RFX7: variants seen among roughly 807,000 people sequenced by gnomAD.
RFX7 encodes the protein DNA-binding protein RFX7.
In RFX7, 26 loss-of-function variants were observed where a neutral mutation model predicts 111.8. That is an observed-to-expected ratio of 0.23 (90% CI 0.17 to 0.32). RFX7 has a LOEUF of 0.32. RFX7 is among the 10% of genes least tolerant of loss of function. The pLI is 1.00. For synonymous variants in RFX7, 624 were observed against 624.4 expected, an observed-to-expected ratio of 1.00 and a Z score of 0.01; for missense variants, 1,573 against 1,772.9, an observed-to-expected ratio of 0.89 and a Z score of 2.02.
rs555683502 is a variant in RFX7 at position 56,105,654 on chromosome 15, A to C, written c.402-1984T>G. Among the ~76,000 whole-genome samples, 78 of 152,184 alleles carry C rather than the reference A, an allele frequency of 5.1e-4. 1 individual carries two copies. The highest frequency in any genetic ancestry group is 1.8e-3 in the African/African-American group (76 of 41,502). On this transcript the variant is annotated intron_variant, in intron 5 of 9. Transcript: ENST00000559447. ...ATTTTGATTTTTTTTTTCATTAGTA[A>C]ACCAAAATTTTTTACTTTGGCAGAA... is the stretch of plus-strand genomic sequence containing the variant.
chr15:56,143,291 T>C (rs2042425874), intron 4 of RFX7, among the ~76,000 whole-genome samples: 1 of 151,860 alleles, frequency 6.6e-6, no homozygotes, highest in Non-Finnish European at 1.5e-5. Context: ...CATTCTCATA[T>C]AATATATATA....
chr15:56,150,539 C>T (rs796872568), intron 3 of RFX7, among the ~76,000 whole-genome samples: 24 of 152,146 alleles, frequency 1.6e-4, no homozygotes, highest in African/African-American at 5.1e-4. Context: ...TTAACACATC[C>T]ACTCAAAGAC....
chr15:56,110,060 C>A (rs759119146), intron 5 of RFX7, among the ~76,000 whole-genome samples: 4,255 of 118,782 alleles, frequency 0.036, 225 homozygotes, highest in Non-Finnish European at 0.051. Flanking sequence ...AGCCCCTCTG[C>A]CCAGCCAGCC....
intron 2 of RFX7, among the ~76,000 whole-genome samples, chr15:56,230,301 A>G (rs1035697384): frequency 3.3e-5 from 5 of 152,366 alleles, no homozygotes; most frequent in African/African-American, 1.2e-4. Context: ...GAAGGACACA[A>G]TGGCTTTCAT....
chr15:56,228,892 T>C (rs1479305079), intron 2 of RFX7, among the ~76,000 whole-genome samples: 1 of 152,144 alleles, frequency 6.6e-6, no homozygotes, highest in African/African-American at 2.4e-5. Flanking sequence ...ATTTATAAAT[T>C]AGGCATAGTA....
intron 2 of RFX7, among the ~76,000 whole-genome samples, chr15:56,212,147 A>G (rs1166787123): frequency 1.3e-5 from 2 of 152,234 alleles, no homozygotes; most frequent in African/African-American, 4.8e-5. Context: ...TGGTATATCT[A>G]TTAATGGAAT....
At position 56,094,989 on chromosome 15, in the gene RFX7, G is replaced by A; in HGVS notation, c.2739C>T (p.Thr913=). The change falls in exon 10 of 10, where the codon ACC becomes ACT. Residue 913 remains threonine (T), a synonymous_variant. Coordinates refer to ENST00000559447, the MANE Select transcript of RFX7 (RefSeq NM_022841.7). ...CTGGAGTTACTGACTGACTCTGAAG[G>A]GTCATTCCCAAACAGTTGCCGTAAG... The part of the protein sequence containing the change: ...SHSYGNCLGM[T]LQSQSVTPGA... 1 of 1,612,248 alleles carries A rather than the reference G, an allele frequency of 6.2e-7. No individual in the cohort carries two copies. The highest frequency in any genetic ancestry group is 8.5e-7 in the Non-Finnish European group (1 of 1,179,100).
chr15:56,193,577 A>G (rs2043119958), intron 2 of RFX7, among the ~76,000 whole-genome samples: 2 of 152,196 alleles, frequency 1.3e-5, no homozygotes, highest in South Asian at 4.1e-4. Flanking sequence ...AGATTTTAAA[A>G]AACAAAATTT....
intron 2 of RFX7, among the ~76,000 whole-genome samples, chr15:56,181,152 G>A (rs926007230): frequency 2.6e-5 from 4 of 152,182 alleles, no homozygotes; most frequent in African/African-American, 9.7e-5. Flanking sequence ...CCATCTTTCT[G>A]ATCTAATCTC....
At chr15:56,180,900 G>A (rs1473082205) in intron 2 of RFX7, among the ~76,000 whole-genome samples, 1 of 152,102 alleles carries the variant, frequency 6.6e-6, no homozygotes, top group African/African-American at 2.4e-5. Flanking sequence ...CTGGGCAACA[G>A]AGCAAGACTC....
chr15:56,140,966 A>G (rs1346161273), intron 5 of RFX7, among the ~76,000 whole-genome samples: 1 of 152,198 alleles, frequency 6.6e-6, no homozygotes, highest in East Asian at 1.9e-4. Context: ...GGTGCAGATT[A>G]AAGTCATCAC....
At chr15:56,172,746 A>G (rs1038679732) in intron 3 of RFX7, among the ~76,000 whole-genome samples, 13 of 152,228 alleles carry the variant, frequency 8.5e-5, no homozygotes, top group Non-Finnish European at 1.8e-4. Flanking sequence ...AGCTTGAGCT[A>G]AAGAAGTCTG....
chr15:56,120,645 T>C (rs919413934), intron 5 of RFX7, among the ~76,000 whole-genome samples: 1 of 152,202 alleles, frequency 6.6e-6, no homozygotes, highest in Non-Finnish European at 1.5e-5. Context: ...TGTCTTTTAT[T>C]ATGTTAAGGT....
In RFX7 at chr15:56,179,277, C is replaced by T. The variant is rs1239733763; in HGVS notation, c.188G>A (p.Cys63Tyr). The change falls in exon 3 of 10, where the codon TGC becomes TAC. Residue 63 changes from cysteine (C) to tyrosine (Y), a missense_variant. Cys to Tyr is a radical substitution (Grantham distance 194). Around this residue, in one of 7 missense-constraint regions of RFX7, gnomAD observed 191 missense variants for 194.2 expected, o/e 0.98. Coordinates refer to ENST00000559447, the MANE Select transcript of RFX7 (RefSeq NM_022841.7). Reference sequence around the variant, plus strand: ...ATTAGTTATTTCACTTACCAAAATGCAGTCCACTTTAGATTGTACAGTTTT... The same window carrying T: ...ATTAGTTATTTCACTTACCAAAATGTAGTCCACTTTAGATTGTACAGTTTT... ...ICKTVQSKVDCILQEVEKFTD... is the reference protein window; with the variant it reads ...ICKTVQSKVDYILQEVEKFTD... The T allele has an allele frequency of 1.6e-6, 2 of 1,286,304 alleles. No individual in the cohort carries two copies. Among genetic ancestry groups the T allele is most frequent in the African/African-American group, 1.5e-5 (1 of 65,000 alleles). 79.7% of individuals were successfully genotyped at this position (1,286,304 alleles called of 1,614,324 possible). A position where few individuals can be genotyped will look rare whatever the true frequency, so the allele number is the denominator to read the frequency against.
chr15:56,098,227 G>C lies in RFX7; in HGVS notation c.961C>G (p.Gln321Glu). 6.2e-7 allele frequency: 1 copy of C among 1,613,962 alleles called. No individual in the cohort carries two copies. Among genetic ancestry groups the C allele is most frequent in the Non-Finnish European group, 8.5e-7 (1 of 1,179,858 alleles). Residue 321 changes from glutamine (Q) to glutamate (E), a missense_variant, in exon 9 of 10, where the codon CAA becomes GAA. By Grantham distance (29) the Gln-to-Glu change is conservative. Transcript: ENST00000559447. ...GCAGATTCTCCTGGCAAAGGGGATT[G>C]TAGTTTCTGTTCTTGCTGCTTCTTC... is the stretch of plus-strand genomic sequence containing the variant. ...IQKKQQEQKLQSPLPGESAAK... is the reference protein window; with the variant it reads ...IQKKQQEQKLESPLPGESAAK...
intron 6 of RFX7, among the ~76,000 whole-genome samples, chr15:56,102,666 T>C (rs1391200462): frequency 6.6e-6 from 1 of 152,200 alleles, no homozygotes; most frequent in African/African-American, 2.4e-5. Context: ...CTTTAACCTT[T>C]TCGTTTCTCT....
intron 2 of RFX7, among the ~76,000 whole-genome samples, chr15:56,206,781 TG>T (rs1395660591): frequency 6.8e-6 from 1 of 148,044 alleles, no homozygotes; most frequent in East Asian, 2.0e-4. Flanking sequence ...CACTTACTTG[TG>T]GAAGGTAAAA....
At chr15:56,197,270 A>C (rs1318177767) in intron 2 of RFX7, among the ~76,000 whole-genome samples, 1 of 152,010 alleles carries the variant, frequency 6.6e-6, no homozygotes, top group Non-Finnish European at 1.5e-5. Context: ...TTAGATACTA[A>C]TCTTTTGTCA....
intron 2 of RFX7, among the ~76,000 whole-genome samples, chr15:56,193,792 T>G (rs1411240748): frequency 1.3e-5 from 2 of 152,168 alleles, no homozygotes; most frequent in African/African-American, 4.8e-5. Context: ...AAGCATATTG[T>G]GTTTTCTCTA....
Sources: gnomAD v4.1 joint callset for allele counts (sites outside exome capture counted in the v4.1 genomes callset) on GRCh38, gnomAD v4.1.1 for gene constraint, gnomAD v4.1.1 regional missense constraint, MANE v1.5 for transcripts, NCBI Gene and HGNC (gene_info 2026-07-23, HGNC 2026-07-21) for gene names.